The following HTR1F variants were observed in gnomAD, a reference collection of about 807,000 sequenced individuals.
The protein encoded by HTR1F is 5-hydroxytryptamine (serotonin) receptor 1F, G protein-coupled.
In HTR1F, 17 loss-of-function variants were observed where a neutral mutation model predicts 24.0. The ratio of observed to expected loss-of-function variants is 0.71; its 90% confidence interval spans 0.48 to 1.06. The LOEUF (loss-of-function observed/expected upper bound fraction) is 1.06, where lower values mean the gene tolerates loss of function less well. HTR1F is among the 50% of genes least tolerant of loss of function. The probability of loss-of-function intolerance (pLI) is 0.00; values close to 1 mark genes in which losing one functional copy is unlikely to be tolerated. For synonymous variants in HTR1F, 186 were observed against 156.8 expected (o/e 1.19, Z -1.39); for missense variants, 391 against 427.8 (o/e 0.91, Z 0.76).
chr3:87,847,284 T>C (rs1451145303), intron 2 of HTR1F, among the ~76,000 whole-genome samples: 3 of 151,860 alleles, frequency 2.0e-5, no homozygotes, highest in Non-Finnish European at 4.4e-5. Context: ...TGTCACAAAT[T>C]TACTAGGGTT....
At chr3:87,892,930 A>G (rs1453749602) in intron 2 of HTR1F, among the ~76,000 whole-genome samples, 3 of 152,126 alleles carry the variant, frequency 2.0e-5, no homozygotes, top group Non-Finnish European at 4.4e-5. Flanking sequence ...ATGAATAATT[A>G]ATTAAATTCC....
At chr3:87,975,794 A>T (rs1424434066) in intron 2 of HTR1F, among the ~76,000 whole-genome samples, 2 of 152,234 alleles carry the variant, frequency 1.3e-5, no homozygotes, top group Non-Finnish European at 2.9e-5. Context: ...AGCCTTGGTT[A>T]GTGAGCAAAC....
intron 2 of HTR1F, among the ~76,000 whole-genome samples, chr3:87,824,185 T>G (rs966741922): frequency 6.6e-6 from 1 of 152,194 alleles, no homozygotes; most frequent in Non-Finnish European, 1.5e-5. Flanking sequence ...AATAGATATG[T>G]ACTAAATTAA....
chr3:87,863,918 T>G (rs1172072269), intron 2 of HTR1F, among the ~76,000 whole-genome samples: 2 of 152,236 alleles, frequency 1.3e-5, no homozygotes. Context: ...ACTGCATTCT[T>G]TTCTGAAGAC....
At chr3:87,931,311 T>A (rs981235811) in intron 2 of HTR1F, among the ~76,000 whole-genome samples, 2 of 152,094 alleles carry the variant, frequency 1.3e-5, no homozygotes, top group African/African-American at 4.8e-5. Context: ...TGGTTTTTTG[T>A]CCTTGTGATA....
In HTR1F at chr3:87,990,850, C is replaced by T. The variant is rs763103895; in HGVS notation, c.101C>T (p.Ala34Val). The T allele has an allele frequency of 3.7e-6, 6 of 1,614,150 alleles. No homozygotes were observed. Among genetic ancestry groups the T allele is most frequent in the Non-Finnish European group, 4.2e-6 (5 of 1,180,006 alleles). ...ILVSLTLSGL[A>V]LMTTTINSLV... ...GTGTCCCTCACTCTGTCTGGGCTGG[C>T]ACTGATGACAACAACTATCAACTCC... Residue 34 changes from alanine (A) to valine (V), a missense_variant, in exon 3 of 3, where the codon GCA becomes GTA. Ala to Val is a moderately conservative substitution (Grantham distance 64). Transcript: ENST00000319595.
chr3:87,817,246 T>C (rs760167206), intron 1 of HTR1F, among the ~76,000 whole-genome samples: 12 of 152,152 alleles, frequency 7.9e-5, no homozygotes, highest in Admixed American at 4.6e-4. Context: ...AGACAGATAC[T>C]CCGTTTGGCA....
At chr3:87,793,893 AT>A (rs1344407224) in intron 1 of HTR1F, among the ~76,000 whole-genome samples, 1 of 151,910 alleles carries the variant, frequency 6.6e-6, no homozygotes, top group Non-Finnish European at 1.5e-5. Context: ...AGCAGGTGGC[AT>A]TAACCTCTCC....
At chr3:87,886,451 C>A (rs1391656453) in intron 2 of HTR1F, among the ~76,000 whole-genome samples, 1 of 152,138 alleles carries the variant, frequency 6.6e-6, no homozygotes, top group Admixed American at 6.5e-5. Flanking sequence ...TGCCCTCTCT[C>A]ACCACTCCTA....
intron 2 of HTR1F, among the ~76,000 whole-genome samples, chr3:87,861,777 G>A (rs1705323486): frequency 6.6e-6 from 1 of 151,962 alleles, no homozygotes; most frequent in Non-Finnish European, 1.5e-5. Context: ...CTAAGCTTTT[G>A]CTGGTATTAA....
At chr3:87,822,248 C>T (rs1160643854) in intron 2 of HTR1F, among the ~76,000 whole-genome samples, 124 bp downstream of exon 2, 1 of 152,010 alleles carries the variant, frequency 6.6e-6, no homozygotes, top group Non-Finnish European at 1.5e-5. Context: ...CATATGACTC[C>T]TGCTTCCAGG....
At chr3:87,797,153 A>G (rs976481850) in intron 1 of HTR1F, among the ~76,000 whole-genome samples, 6 of 152,326 alleles carry the variant, frequency 3.9e-5, no homozygotes, top group African/African-American at 1.4e-4. Context: ...TATTGTTGGT[A>G]ATCTCTTACT....
intron 2 of HTR1F, among the ~76,000 whole-genome samples, chr3:87,988,154 A>T (rs1705720387): frequency 6.6e-6 from 1 of 152,070 alleles, no homozygotes; most frequent in Admixed American, 6.6e-5. Flanking sequence ...CCAGCTCGAG[A>T]GGGTGGGACA....
intron 2 of HTR1F, among the ~76,000 whole-genome samples, chr3:87,966,920 C>A (rs1198224850): frequency 4.6e-5 from 7 of 151,978 alleles, no homozygotes; most frequent in Admixed American, 1.3e-4. Flanking sequence ...TGCATTAACT[C>A]ATATACTCCA....
chr3:87,952,601 C>G (rs140271473), intron 2 of HTR1F, among the ~76,000 whole-genome samples: 2 of 151,932 alleles, frequency 1.3e-5, no homozygotes, highest in South Asian at 2.1e-4. Flanking sequence ...GATATCTTCA[C>G]GTAGAAATTT....
At chr3:87,980,433 A>C (rs1368281654) in intron 2 of HTR1F, among the ~76,000 whole-genome samples, 1 of 152,170 alleles carries the variant, frequency 6.6e-6, no homozygotes. Context: ...GGCTAAGTCC[A>C]GGGTTTTTAT....
chr3:87,967,832 G>A (rs1161842660), intron 2 of HTR1F, among the ~76,000 whole-genome samples: 5 of 152,066 alleles, frequency 3.3e-5, no homozygotes, highest in Non-Finnish European at 7.4e-5. Context: ...TCAGCAGCAC[G>A]AGAACAGACT....
intron 2 of HTR1F, among the ~76,000 whole-genome samples, chr3:87,946,917 G>T (rs1013156700): frequency 6.6e-6 from 1 of 152,078 alleles, no homozygotes; most frequent in Admixed American, 6.6e-5. Context: ...GAGCCACCAC[G>T]CCCAGCCCAT....
intron 2 of HTR1F, among the ~76,000 whole-genome samples, chr3:87,940,557 C>G (rs141793358): frequency 3.3e-5 from 5 of 152,032 alleles, no homozygotes; most frequent in Non-Finnish European, 5.9e-5. Flanking sequence ...ATCAATATCA[C>G]GAAAATATAG....
Sources: gnomAD v4.1 joint callset for allele counts (sites outside exome capture counted in the v4.1 genomes callset) on GRCh38, gnomAD v4.1.1 for gene constraint, MANE v1.5 for transcripts, NCBI Gene and HGNC (gene_info 2026-07-23, HGNC 2026-07-21) for gene names.